The following TYR variants were observed in gnomAD, a reference collection of about 807,000 sequenced individuals.
TYR encodes the protein LB24-AB.
TYR carries 58 observed loss-of-function variants against 51.5 expected under a neutral mutation model. That is an observed-to-expected ratio of 1.13 (90% CI 0.91 to 1.40). The LOEUF (loss-of-function observed/expected upper bound fraction) is 1.40, where lower values mean the gene tolerates loss of function less well. Among genes scored for constraint, TYR ranks in the 40% most tolerant of loss-of-function variants. The pLI is 0.00. For missense variants in TYR, 732 were observed against 647.4 expected, an observed-to-expected ratio of 1.13 and a Z score of -1.42; for synonymous variants, 263 against 235.2, an observed-to-expected ratio of 1.12 and a Z score of -1.08.
intron 3 of TYR, among the ~76,000 whole-genome samples, chr11:89,245,459 T>C (rs67120074): frequency 0.11 from 16,322 of 152,168 alleles, 1,455 homozygotes; most frequent in African/African-American, 0.24. Context: ...AAAGAAAGTA[T>C]ACTCTTCCTC....
chr11:89,294,159 C>T (rs547545086), intron 4 of TYR: 184 of 154,264 alleles, frequency 1.2e-3, no homozygotes, highest in Non-Finnish European at 1.8e-3. Flanking sequence ...TCCACCTTCC[C>T]TTTTGCTGTA....
intron 3 of TYR, among the ~76,000 whole-genome samples, chr11:89,230,584 TAGAC>T (rs1367379317): frequency 3.3e-5 from 5 of 151,984 alleles, no homozygotes; most frequent in Admixed American, 6.6e-5. Context: ...ATTAACATGA[TAGAC>T]AGACAACTTA....
chr11:89,255,410 A>C, intron 3 of TYR, among the ~76,000 whole-genome samples: 1 of 151,468 alleles, frequency 6.6e-6, no homozygotes, highest in East Asian at 1.9e-4. Context: ...AAAATAAATT[A>C]AATAAATAAA....
rs1421025397 is a variant in TYR at position 89,295,462 on chromosome 11, G to A, written c.*96G>A. On this transcript the variant is annotated 3_prime_UTR_variant, in exon 5 of 5. Transcript: ENST00000263321. The stretch of plus-strand genomic sequence containing the variant: ...AGAGAATATCTGCTGGTATTTTTCT[G>A]TAAAGACCATTTGCAAAATTGTAAC... 12 of 1,516,508 alleles carry A rather than the reference G, an allele frequency of 7.9e-6. No individual in the cohort carries two copies. The allele number at this position is 1,516,508 out of a possible 1,614,324, so 93.9% of individuals were successfully genotyped here.
At chr11:89,288,597 G>T (rs12786201) in intron 4 of TYR, among the ~76,000 whole-genome samples, 1 of 151,882 alleles carries the variant, frequency 6.6e-6, no homozygotes, top group Admixed American at 6.6e-5. Flanking sequence ...ATTTTCACAC[G>T]GCTTTGAATT....
intron 2 of TYR, among the ~76,000 whole-genome samples, chr11:89,223,142 G>A (rs967317671): frequency 4.6e-5 from 7 of 152,144 alleles, no homozygotes; most frequent in African/African-American, 1.7e-4. Context: ...CCAACTACTA[G>A]CTTTAATGTA....
chr11:89,225,479 A>G (rs554679331), intron 2 of TYR, among the ~76,000 whole-genome samples: 9 of 151,906 alleles, frequency 5.9e-5, no homozygotes, highest in African/African-American at 2.2e-4. Context: ...ACATCTCCTT[A>G]ATCCTCACTA....
chr11:89,266,487 A>C lies in TYR; in HGVS notation c.1185-18286A>C, dbSNP rs539870263. On this transcript the variant is annotated intron_variant, in intron 3 of 4. Coordinates refer to ENST00000263321, the MANE Select transcript of TYR (RefSeq NM_000372.5). ...GTATGGGCCATAGGTACTTAGCCCC[A>C]TCATATGTATTGGTCCCCTGCCTCT... is the stretch of plus-strand genomic sequence containing the variant. Among the ~76,000 whole-genome samples the C allele has an allele frequency of 2.6e-5, 4 of 151,872 alleles. No homozygotes were observed. In the South Asian group the frequency reaches 8.3e-4, roughly 32 times the overall value.
intron 2 of TYR, among the ~76,000 whole-genome samples, chr11:89,211,628 C>T (rs927962481): frequency 5.3e-5 from 8 of 152,186 alleles, no homozygotes; most frequent in African/African-American, 1.9e-4. Context: ...GAACTCTCCA[C>T]CCCAAATCAA....
intron 3 of TYR, among the ~76,000 whole-genome samples, chr11:89,246,504 T>C (rs1944269852): frequency 6.6e-6 from 1 of 152,176 alleles, no homozygotes; most frequent in African/African-American, 2.4e-5. Context: ...TCTCCAGTAT[T>C]GGCATCACCT....
chr11:89,243,744 C>T (rs1019592981), intron 3 of TYR, among the ~76,000 whole-genome samples: 3 of 152,108 alleles, frequency 2.0e-5, no homozygotes. Context: ...AATATACTCT[C>T]TGCTGTCATT....
intron 3 of TYR, among the ~76,000 whole-genome samples, chr11:89,245,878 G>C (rs759639990): frequency 3.3e-5 from 5 of 151,452 alleles, no homozygotes; most frequent in African/African-American, 7.3e-5. Context: ...CCAAGATCAC[G>C]CTACTGCACT....
intron 2 of TYR, among the ~76,000 whole-genome samples, chr11:89,211,649 G>A (rs759441604): frequency 7.9e-5 from 12 of 151,984 alleles, no homozygotes; most frequent in Non-Finnish European, 5.9e-5. Flanking sequence ...CAGAATATAC[G>A]TTCTTCTCGG....
intron 3 of TYR, among the ~76,000 whole-genome samples, chr11:89,260,668 A>G (rs904568009): frequency 2.6e-5 from 4 of 152,144 alleles, no homozygotes; most frequent in African/African-American, 9.6e-5. Context: ...GACTACAAAA[A>G]TGCTCTTTGA....
chr11:89,260,380 G>A (rs555889540), intron 3 of TYR, among the ~76,000 whole-genome samples: 5 of 152,214 alleles, frequency 3.3e-5, no homozygotes, highest in Non-Finnish European at 7.4e-5. Context: ...CAGAAACTAT[G>A]AAGGCCAGAA....
intron 4 of TYR, among the ~76,000 whole-genome samples, chr11:89,288,448 G>A (rs1434081039): frequency 6.6e-6 from 1 of 151,888 alleles, no homozygotes; most frequent in African/African-American, 2.4e-5. Flanking sequence ...TGTCCCAATG[G>A]ATACTTTTTA....
intron 3 of TYR, among the ~76,000 whole-genome samples, chr11:89,245,656 C>T (rs1233085964): frequency 2.0e-5 from 3 of 152,108 alleles, no homozygotes; most frequent in South Asian, 2.1e-4. Flanking sequence ...GGCGTGGTGG[C>T]TCACGCCTGT....
chr11:89,251,790 A>T (rs914030227), intron 3 of TYR, among the ~76,000 whole-genome samples: 1 of 151,840 alleles, frequency 6.6e-6, no homozygotes, highest in African/African-American at 2.4e-5. Flanking sequence ...GAGAACGGAA[A>T]TAACATTTTT....
intron 2 of TYR, among the ~76,000 whole-genome samples, chr11:89,191,796 A>G (rs905377607): frequency 2.6e-5 from 4 of 152,190 alleles, no homozygotes; most frequent in African/African-American, 9.7e-5. Context: ...AAGCAGCAGT[A>G]GCAGCTTTAG....
Sources: gnomAD v4.1 joint callset for allele counts (sites outside exome capture counted in the v4.1 genomes callset) on GRCh38, gnomAD v4.1.1 for gene constraint, MANE v1.5 for transcripts, NCBI Gene and HGNC (gene_info 2026-07-23, HGNC 2026-07-21) for gene names.